Variants in UNC79 observed in about 807,000 individuals in gnomAD.
UNC79 encodes unc-79 subunit of NALCN channel complex.
UNC79 carries 37 observed loss-of-function variants against 283.1 expected under a neutral mutation model. The observed-to-expected ratio is 0.13, with a 90% CI of 0.10 to 0.17. The LOEUF is 0.17. Among genes scored for constraint, UNC79 ranks in the 10% least tolerant of loss-of-function variants. UNC79 has a pLI of 1.00. For missense variants in UNC79, 2,272 were observed against 3,211.1 expected, an observed-to-expected ratio of 0.71 and a Z score of 7.07; for synonymous variants, 1,107 against 1,200.2, an observed-to-expected ratio of 0.92 and a Z score of 1.61.
chr14:93,666,776 A>G (rs1014741528), intron 40 of UNC79, among the ~76,000 whole-genome samples: 11 of 152,228 alleles, frequency 7.2e-5, no homozygotes, highest in Non-Finnish European at 1.6e-4. Context: ...TCCTGAATCA[A>G]CCAATTTTAG....
chr14:93,613,450 C>G (rs1351029077), intron 27 of UNC79, among the ~76,000 whole-genome samples: 4 of 150,770 alleles, frequency 2.7e-5, no homozygotes, highest in Non-Finnish European at 5.9e-5. Flanking sequence ...GAGTCTCGCT[C>G]TGTTGCCCAG....
At chr14:93,439,558 G>T (rs919020746) in intron 1 of UNC79, among the ~76,000 whole-genome samples, 1 of 151,992 alleles carries the variant, frequency 6.6e-6, no homozygotes, top group Non-Finnish European at 1.5e-5. Flanking sequence ...TTTCTGGGGG[G>T]TAGAGTGGGA....
chr14:93,493,698 G>A (rs1284888438), intron 5 of UNC79, among the ~76,000 whole-genome samples: 1 of 151,532 alleles, frequency 6.6e-6, no homozygotes, highest in African/African-American at 2.4e-5. Context: ...CTGAGACTGG[G>A]TAATTTATAA....
rs560719972 is a variant in UNC79 at position 93,520,888 on chromosome 14, G to A, written c.899-3090G>A. On this transcript the variant is annotated intron_variant, in intron 7 of 48. Transcript: ENST00000555664. ...CTTCATCTCCACAGTTTCTGGGTTTGTTTCTGCTGATCTGTTTTCCCCCTG... is the reference window on the plus strand; with the variant it reads ...CTTCATCTCCACAGTTTCTGGGTTTATTTCTGCTGATCTGTTTTCCCCCTG... 1.3e-4 allele frequency among the ~76,000 whole-genome samples: 20 copies of A among 152,042 alleles called. No individual in the cohort carries two copies. The South Asian group carries it at 4.2e-3, about 32-fold the overall frequency.
In UNC79 at chr14:93,662,597, A is replaced by G. The variant is rs2071718494; in HGVS notation, c.6526-7A>G. ...ATTGACTTTATTTGGCCCCAATCTC[A>G]TTGCAGAGTTTGTTGGAACCATTTT... On this transcript the variant is annotated splice_region_variant and splice_polypyrimidine_tract_variant and intron_variant, in intron 39 of 48. Transcript: ENST00000555664. 6.3e-7 allele frequency: 1 copy of G among 1,593,876 alleles called. No individual in the cohort carries two copies. Among genetic ancestry groups the G allele is most frequent in the Non-Finnish European group, 8.6e-7 (1 of 1,165,174 alleles).
chr14:93,612,982 G>A (rs772909587), exon 27 of UNC79: 30 of 1,614,170 alleles, frequency 1.9e-5, no homozygotes, highest in Non-Finnish European at 2.5e-5. Flanking sequence ...ACACCTGTAC[G>A]TCTTACTCGG....
intron 32 of UNC79, 60 bp from the exon 36 acceptor site, chr14:93,641,085 C>T (rs2068988116): frequency 6.8e-7 from 1 of 1,462,618 alleles, no homozygotes; most frequent in Non-Finnish European, 9.4e-7. Flanking sequence ...AGAACCAGGC[C>T]TTTCTTGGCC....
chr14:93,361,455 G>T (rs1238688100), intron 1 of UNC79, among the ~76,000 whole-genome samples: 7 of 149,600 alleles, frequency 4.7e-5, no homozygotes, highest in African/African-American at 1.7e-4. Flanking sequence ...AGGCTGCATT[G>T]TTCCATGTTT....
In UNC79 at chr14:93,393,212, T is replaced by C. The variant is rs1164469119; in HGVS notation, c.-351+59689T>C. Among the ~76,000 whole-genome samples the C allele has an allele frequency of 2.6e-5, 4 of 152,212 alleles. No individual in the cohort carries two copies. In the East Asian group the frequency reaches 7.7e-4, roughly 29 times the overall value. ...ATAACAGCAATACTCTATTCTCTAA[T>C]TGCTGCTCAAAGATCCTGCATGTCA... On this transcript the variant is annotated intron_variant, in intron 1 of 49. Coordinates refer to the UNC79 transcript ENST00000256339.
At chr14:93,668,130 T>G in intron 40 of UNC79, among the ~76,000 whole-genome samples, 1 of 152,168 alleles carries the variant, frequency 6.6e-6, no homozygotes, top group East Asian at 1.9e-4. Flanking sequence ...TTTCTATTTA[T>G]CATGGTGCTG....
chr14:93,518,510 G>T (rs1056947209), intron 7 of UNC79, among the ~76,000 whole-genome samples: 2 of 151,296 alleles, frequency 1.3e-5, no homozygotes, highest in Non-Finnish European at 3.0e-5. Flanking sequence ...ACCAGTTTTT[G>T]ATTTTATTGA....
At chr14:93,561,383 G>T (rs1206528881) in intron 14 of UNC79, among the ~76,000 whole-genome samples, 1 of 152,162 alleles carries the variant, frequency 6.6e-6, no homozygotes, top group East Asian at 1.9e-4. Flanking sequence ...GTCTGGGGAG[G>T]TCTTGCTGGA....
chr14:93,554,287 G>A (rs1187162374), intron 14 of UNC79, among the ~76,000 whole-genome samples: 1 of 151,524 alleles, frequency 6.6e-6, no homozygotes, highest in South Asian at 2.1e-4. Context: ...GGCGGAGGTT[G>A]CAGTGAGTTG....
chr14:93,404,493 A>AAAATATATATATATATATATATAT lies in UNC79; in HGVS notation c.-350-63177_-350-63176insAATATATATATATATATATATATA. Among the ~76,000 whole-genome samples, 14 of 61,468 alleles carry AAAATATATATATATATATATATAT rather than the reference A, an allele frequency of 2.3e-4. No individual in the cohort carries two copies. The South Asian group carries it at 4.1e-3, about 18-fold the overall frequency. 40.3% of individuals were successfully genotyped at this position (61,468 alleles called of 152,430 possible). On this transcript the variant is annotated intron_variant, in intron 1 of 49. Transcript: ENST00000256339. Reference sequence around the variant, plus strand: ...TGACAGAGTGAGACCTTCTAAAAAAAATATATATATATATATATATAAATA... The same window carrying AAAATATATATATATATATATATAT: ...TGACAGAGTGAGACCTTCTAAAAAAAAAATATATATATATATATATATATATATATATATATATATATATAAATA...
intron 12 of UNC79, among the ~76,000 whole-genome samples, chr14:93,538,719 A>G (rs1227168801): frequency 6.6e-6 from 1 of 151,060 alleles, no homozygotes; most frequent in Non-Finnish European, 1.5e-5. Flanking sequence ...CCATGCTGGG[A>G]TAAACCACGA....
chr14:93,681,008 A>G (rs2073804524), intron 41 of UNC79, among the ~76,000 whole-genome samples: 1 of 152,188 alleles, frequency 6.6e-6, no homozygotes, highest in African/African-American at 2.4e-5. Flanking sequence ...TTTTCCTTAC[A>G]TTAGAAATAA....
chr14:93,538,535 G>GTAA (rs2061198051), intron 12 of UNC79, among the ~76,000 whole-genome samples: 1 of 152,148 alleles, frequency 6.6e-6, no homozygotes. Flanking sequence ...GGTGAGCTCA[G>GTAA]TAATAGCATT....
At chr14:93,343,390 G>A (rs2053754745) in intron 1 of UNC79, among the ~76,000 whole-genome samples, 1 of 152,226 alleles carries the variant, frequency 6.6e-6, no homozygotes, top group South Asian at 2.1e-4. Context: ...GATGTTGCCA[G>A]TTGCAGAACT....
At chr14:93,498,403 A>G (rs2059123117) in intron 7 of UNC79, among the ~76,000 whole-genome samples, 1 of 152,126 alleles carries the variant, frequency 6.6e-6, no homozygotes, top group Non-Finnish European at 1.5e-5. Flanking sequence ...CCTGGCCAAC[A>G]TGGTGAAACC....
Sources: allele counts gnomAD v4.1 joint callset (sites outside exome capture counted in the v4.1 genomes callset), GRCh38; gene constraint gnomAD v4.1.1; transcripts MANE v1.5; gene names NCBI Gene and HGNC (gene_info 2026-07-23, HGNC 2026-07-21).